Variants in SLC8A1 observed in about 807,000 individuals in gnomAD.
The protein encoded by SLC8A1 is solute carrier family 8 member A1, also known as sodium/calcium exchanger 1.
Under a neutral mutation model 68.3 loss-of-function variants are expected in SLC8A1, and 18 were observed. The observed-to-expected ratio is 0.26, with a 90% confidence interval of 0.18 to 0.39. The LOEUF is 0.39. Among genes scored for constraint, SLC8A1 ranks in the 10% least tolerant of loss-of-function variants. The pLI, the probability that SLC8A1 is intolerant of heterozygous loss-of-function variation, is 1.00. For synonymous variants in SLC8A1, 475 were observed against 415.5 expected, an observed-to-expected ratio of 1.14 and a Z score of -1.74; for missense variants, 985 against 1,156.7, an observed-to-expected ratio of 0.85 and a Z score of 2.15.
At chr2:40,146,389 C>G (rs1445206801) in intron 6 of SLC8A1, among the ~76,000 whole-genome samples, 1 of 152,156 alleles carries the variant, frequency 6.6e-6, no homozygotes, top group East Asian at 1.9e-4. Flanking sequence ...CTCTGGCAGT[C>G]AGCTCAGGCT....
chr2:40,404,722 C>T (rs182078336), intron 2 of SLC8A1, among the ~76,000 whole-genome samples: 5 of 152,230 alleles, frequency 3.3e-5, no homozygotes, highest in East Asian at 3.9e-4. Flanking sequence ...CAAGTTGGCA[C>T]GAGTGCGTTG....
chr2:40,344,801 T>C (rs1329983090), intron 2 of SLC8A1, among the ~76,000 whole-genome samples: 2 of 152,158 alleles, frequency 1.3e-5, no homozygotes, highest in Non-Finnish European at 2.9e-5. Context: ...AGCATCTGAA[T>C]TCCCAGACTA....
At chr2:40,152,913 G>A (rs745375145) in intron 6 of SLC8A1, among the ~76,000 whole-genome samples, 1 of 146,530 alleles carries the variant, frequency 6.8e-6, no homozygotes, top group Non-Finnish European at 1.5e-5. Context: ...AGTGAGCTAT[G>A]ACATGCCACT....
intron 1 of SLC8A1, among the ~76,000 whole-genome samples, chr2:40,480,705 G>A (rs142979436): frequency 2.0e-5 from 3 of 152,234 alleles, no homozygotes; most frequent in African/African-American, 7.2e-5. Flanking sequence ...AATTTAACAA[G>A]TTGTGCTGGG....
chr2:40,133,703 C>A (rs958311666), intron 7 of SLC8A1, among the ~76,000 whole-genome samples: 4 of 52,396 alleles, frequency 7.6e-5, no homozygotes, highest in Non-Finnish European at 1.2e-4. Context: ...GGCAAAAATC[C>A]CCCCCCCCCA....
intron 1 of SLC8A1, among the ~76,000 whole-genome samples, chr2:40,464,012 A>AGCCTCCT (rs890998772): frequency 3.9e-5 from 6 of 152,058 alleles, no homozygotes; most frequent in Non-Finnish European, 7.4e-5. Flanking sequence ...CTCCTGTCTC[A>AGCCTCCT]GCCTCCTGAG....
intron 1 of SLC8A1, among the ~76,000 whole-genome samples, chr2:40,435,980 G>A (rs1472619915): frequency 6.7e-6 from 1 of 149,858 alleles, no homozygotes; most frequent in Admixed American, 6.7e-5. Context: ...TAGAGACAGG[G>A]TTTCACCATG....
In SLC8A1 at chr2:40,247,964, A is replaced by G. The variant is rs373836579; in HGVS notation, c.1809-70109T>C. 6.6e-5 allele frequency among the ~76,000 whole-genome samples: 10 copies of G among 152,200 alleles called. No individual in the cohort carries two copies. In the East Asian group the frequency reaches 1.9e-3, roughly 29 times the overall value. On this transcript the variant is annotated intron_variant, in intron 2 of 7. Transcript: ENST00000406785. ...CAATGCTCAGTAAAGTGGCAGAGCA[A>G]TATTTTATAAGCGTGTGTTCCGTGA...
In SLC8A1 at chr2:40,364,053, A is replaced by G. The variant is rs889603028; in HGVS notation, c.1808+64420T>C. 1.1e-4 allele frequency among the ~76,000 whole-genome samples: 17 copies of G among 152,240 alleles called. No individual in the cohort carries two copies. The East Asian group carries it at 3.3e-3, about 29-fold the overall frequency. On this transcript the variant is annotated intron_variant, in intron 2 of 7. Coordinates refer to ENST00000406785, the Ensembl canonical transcript of SLC8A1. The stretch of plus-strand genomic sequence containing the variant: ...GTTACCTCTGTACTCATATCACTAT[A>G]GCCAATTTTTAATTAAAAAGCTTTT...
At chr2:40,254,756 G>C (rs2063607750) in intron 2 of SLC8A1, 1 of 152,120 alleles carries the variant, frequency 6.6e-6, no homozygotes, top group African/African-American at 2.4e-5. Context: ...ACTTCTGCCA[G>C]CATATTGGTT....
At position 40,304,488 on chromosome 2, in the gene SLC8A1, T is replaced by C. The variant is rs2072188623; in HGVS notation, c.1808+123985A>G. 3.3e-5 allele frequency among the ~76,000 whole-genome samples: 5 copies of C among 152,082 alleles called. No individual in the cohort carries two copies. In the South Asian group the frequency reaches 8.3e-4, roughly 25 times the overall value. Reference sequence around the variant, plus strand: ...TAATGAACCTGAGCCACCCAGACGATGGAATGAACAGCCTGTAGCCAGTCT... The same window carrying C: ...TAATGAACCTGAGCCACCCAGACGACGGAATGAACAGCCTGTAGCCAGTCT... On this transcript the variant is annotated intron_variant, in intron 2 of 7. Transcript: ENST00000406785.
chr2:40,355,077 A>G (rs1006950511), intron 2 of SLC8A1, among the ~76,000 whole-genome samples: 8 of 152,194 alleles, frequency 5.3e-5, no homozygotes, highest in African/African-American at 1.9e-4. Flanking sequence ...AAGATAAGCA[A>G]GCTCTTGTAT....
intron 1 of SLC8A1, among the ~76,000 whole-genome samples, chr2:40,486,700 T>G (rs1206810284): frequency 1.3e-5 from 2 of 151,676 alleles, no homozygotes; most frequent in African/African-American, 2.4e-5. Context: ...TAGTAGTATC[T>G]TAATATGTTT....
At chr2:40,205,710 A>G (rs1390215522) in intron 2 of SLC8A1, among the ~76,000 whole-genome samples, 1 of 151,944 alleles carries the variant, frequency 6.6e-6, no homozygotes, top group Non-Finnish European at 1.5e-5. Context: ...TAGGCTTAAT[A>G]ACTGGATGAT....
At chr2:40,246,279 G>A (rs990521917) in intron 2 of SLC8A1, among the ~76,000 whole-genome samples, 1 of 152,158 alleles carries the variant, frequency 6.6e-6, no homozygotes, top group African/African-American at 2.4e-5. Flanking sequence ...ATTCTCAACA[G>A]GGGAAACTTG....
chr2:40,380,766 A>C (rs913328803), intron 2 of SLC8A1, among the ~76,000 whole-genome samples: 1 of 152,070 alleles, frequency 6.6e-6, no homozygotes, highest in Non-Finnish European at 1.5e-5. Context: ...CTTTTCACAA[A>C]GGAAAAGGAG....
intron 2 of SLC8A1, among the ~76,000 whole-genome samples, chr2:40,236,335 A>G (rs2060366771): frequency 1.3e-5 from 2 of 152,034 alleles, no homozygotes; most frequent in Admixed American, 1.3e-4. Flanking sequence ...TGTTGAATTG[A>G]TCTCTTTACC....
intron 1 of SLC8A1, among the ~76,000 whole-genome samples, chr2:40,439,100 G>A (rs1700017874): frequency 1.3e-5 from 2 of 152,070 alleles, no homozygotes; most frequent in Admixed American, 1.3e-4. Flanking sequence ...CCAGGAGGTG[G>A]GGGACTAGAG....
At chr2:40,424,009 A>G (rs1241431482) in intron 2 of SLC8A1, among the ~76,000 whole-genome samples, 2 of 151,962 alleles carry the variant, frequency 1.3e-5, no homozygotes. Flanking sequence ...TTAATACATT[A>G]CCTAGGAAAA....
Sources: allele counts gnomAD v4.1 joint callset (sites outside exome capture counted in the v4.1 genomes callset), GRCh38; gene constraint gnomAD v4.1.1; transcripts MANE v1.5; gene names NCBI Gene and HGNC (gene_info 2026-07-23, HGNC 2026-07-21).